Variants in SLC2A14 observed in about 807,000 individuals in gnomAD.
SLC2A14 encodes the protein solute carrier family 2, facilitated glucose transporter member 14.
Under a neutral mutation model 43.0 loss-of-function variants are expected in SLC2A14, and 13 were observed. That is an observed-to-expected ratio of 0.30 (90% confidence interval 0.20 to 0.48). The LOEUF (loss-of-function observed/expected upper bound fraction) is 0.48. Ranked by LOEUF, SLC2A14 falls within the 20% of genes least tolerant of loss-of-function variation. The pLI, the probability that SLC2A14 is intolerant of heterozygous loss-of-function variation, is 0.99. For synonymous variants in SLC2A14, 190 were observed against 233.8 expected, an observed-to-expected ratio of 0.81 and a Z score of 1.71; for missense variants, 428 against 620.4, an observed-to-expected ratio of 0.69 and a Z score of 3.29.
intron 7 of SLC2A14, among the ~76,000 whole-genome samples, chr12:7,827,015 CTT>C (rs1338800811): frequency 1.5e-5 from 2 of 132,224 alleles, no homozygotes; most frequent in Admixed American, 7.9e-5. Context: ...CTCTCTCTCT[CTT>C]TCTCTCCTTT....
intron 10 of SLC2A14, 82 bp downstream of exon 10, chr12:7,817,749 T>TAG (rs3040791): frequency 0.019 from 23,955 of 1,281,462 alleles, 336 homozygotes; most frequent in African/African-American, 0.041. Flanking sequence ...AATATATATA[T>TAG]ATATAGATAG....
intron 2 of SLC2A14, among the ~76,000 whole-genome samples, chr12:7,864,148 A>G (rs1262411141): frequency 6.6e-6 from 1 of 151,914 alleles, no homozygotes; most frequent in East Asian, 1.9e-4. Context: ...TTACTGCTGA[A>G]TTTTGAGAGT....
chr12:7,824,598 T>C lies in SLC2A14; in HGVS notation c.864+2897A>G, dbSNP rs1169259883. Among the ~76,000 whole-genome samples, 4 of 151,198 alleles carry C rather than the reference T, an allele frequency of 2.6e-5. No homozygotes were observed. The East Asian group carries it at 5.9e-4, about 22-fold the overall frequency. On this transcript the variant is annotated intron_variant, in intron 7 of 10. Coordinates refer to ENST00000431042, the MANE Select transcript of SLC2A14 (RefSeq NM_001286234.2). ...AAAACACAAAATTAGCCAGGCGAAG[T>C]GGTGCACGCCTGTAATCCCAGCTAC...
intron 2 of SLC2A14, among the ~76,000 whole-genome samples, chr12:7,843,800 A>G (rs1023664992): frequency 6.6e-6 from 1 of 151,134 alleles, no homozygotes; most frequent in Non-Finnish European, 1.5e-5. Flanking sequence ...TGAGGGGATA[A>G]CCTCTGGATC....
rs773009937 is a variant in SLC2A14, at chr12:7,829,800, T to A, written c.479A>T (p.Gln160Leu). Reference sequence around the variant, plus strand: ...CAGAATTCCAATAACTATGCCCAGCTGGTTGAGAGTGCCAAAGGCACCCCT... The same window carrying A: ...CAGAATTCCAATAACTATGCCCAGCAGGTTGAGAGTGCCAAAGGCACCCCT... ...ALRGAFGTLN[Q>L]LGIVIGILVA... The change falls in exon 5 of 11, where the codon CAG (glutamine) becomes CTG (leucine). Residue 160 changes from glutamine (Q) to leucine (L), a missense_variant. Coordinates refer to ENST00000431042, the MANE Select transcript of SLC2A14 (RefSeq NM_001286234.2). 1.2e-6 allele frequency: 2 copies of A among 1,614,198 alleles called. No individual in the cohort carries two copies. Among genetic ancestry groups the A allele is most frequent in the Non-Finnish European group, 1.7e-6 (2 of 1,180,038 alleles).
intron 7 of SLC2A14, among the ~76,000 whole-genome samples, chr12:7,823,409 G>A (rs1565501356): frequency 6.7e-6 from 1 of 149,158 alleles, no homozygotes; most frequent in Non-Finnish European, 1.5e-5. Flanking sequence ...AAAAAAGTAA[G>A]GTTGCTACAA....
chr12:7,882,082 C>T lies in SLC2A14; in HGVS notation c.132+8914G>A, dbSNP rs193178521. On this transcript the variant is annotated intron_variant, in intron 1 of 9. Coordinates refer to the SLC2A14 transcript ENST00000539924. ...GGTAACATGTTGGCCTCCCTTTCTA[C>T]ACTTGGAGGCTTTGTTCTTTTTTTC... Among the ~76,000 whole-genome samples the T allele has an allele frequency of 1.0e-3, 154 of 152,224 alleles. 1 individual carries two copies. Among genetic ancestry groups the T allele is most frequent in the Non-Finnish European group, 1.1e-3 (75 of 67,998 alleles).
At chr12:7,826,158 A>G (rs772415536) in intron 7 of SLC2A14, among the ~76,000 whole-genome samples, 1 of 151,734 alleles carries the variant, frequency 6.6e-6, no homozygotes, top group South Asian at 2.1e-4. Context: ...AAATGAGGAA[A>G]TTTGAGACTG....
chr12:7,859,650 G>A (rs1944437599), intron 2 of SLC2A14, among the ~76,000 whole-genome samples: 1 of 152,110 alleles, frequency 6.6e-6, no homozygotes, highest in Admixed American at 6.6e-5. Context: ...AAAACCAAGA[G>A]AATGAATCAG....
rs768823790 is a variant in SLC2A14, at chr12:7,817,906, T to C, written c.1200A>G (p.Pro400=). 1.9e-6 allele frequency: 3 copies of C among 1,614,078 alleles called. No individual in the cohort carries two copies. Among genetic ancestry groups the C allele is most frequent in the Non-Finnish European group, 2.5e-6 (3 of 1,180,052 alleles). Residue 400 remains proline (P), a synonymous_variant, in exon 10 of 11, where the codon CCA becomes CCG. Transcript: ENST00000431042. ...AGCAGCCGGCCACTGCCATCGCAGC[T>C]GGGCGGGGGCCCTGGCTGAAGAGTT... ...VAELFSQGPR[P]AAMAVAGCSN... is the part of the protein sequence containing the mutation.
At chr12:7,883,598 T>TC (rs1945632856) in intron 1 of SLC2A14, among the ~76,000 whole-genome samples, 4 of 136,416 alleles carry the variant, frequency 2.9e-5, no homozygotes, top group African/African-American at 1.1e-4. Flanking sequence ...TTCTTTTTTT[T>TC]TTTTTTTTTT....
intron 2 of SLC2A14, among the ~76,000 whole-genome samples, chr12:7,845,778 C>CAAAA (rs35933580): frequency 9.6e-6 from 1 of 104,122 alleles, no homozygotes; most frequent in Non-Finnish European, 1.8e-5. Context: ...GACTCCATCT[C>CAAAA]AAAAAAAAAA....
At chr12:7,827,777 A>G (rs1454931491) in intron 6 of SLC2A14, 95 bp from the exon 7 acceptor site, 4 of 1,518,856 alleles carry the variant, frequency 2.6e-6, no homozygotes. Context: ...GCACGAGGTG[A>G]GGTGATGGGT....
At chr12:7,875,755 C>G (rs1435937231), upstream of SLC2A14, among the ~76,000 whole-genome samples, 1 of 152,064 alleles carries the variant, frequency 6.6e-6, no homozygotes, top group East Asian at 1.9e-4. Context: ...GGTGGATTAC[C>G]TGAGGTCAGG....
At chr12:7,835,232 C>CA (rs1471034278) in intron 2 of SLC2A14, among the ~76,000 whole-genome samples, 2 of 151,998 alleles carry the variant, frequency 1.3e-5, no homozygotes, top group Non-Finnish European at 2.9e-5. Flanking sequence ...ACTAAAAATA[C>CA]AAAAATTAGC....
chr12:7,813,010 TC>T lies in SLC2A14; in HGVS notation c.*1305del, dbSNP rs1180214174. ...ACCTGGTTTATTGGAAAGATTCAAG[TC>T]CCCTGAGGGCATTCGGCATAGGACC... On this transcript the variant is annotated 3_prime_UTR_variant, in exon 11 of 11. Transcript: ENST00000431042. The T allele has an allele frequency of 2.6e-5, 4 of 151,724 alleles. No homozygotes were observed. Among genetic ancestry groups the T allele is most frequent in the Non-Finnish European group, 5.9e-5 (4 of 67,954 alleles). The allele number at this position is 151,724 out of a possible 1,614,324, so 9.4% of individuals were successfully genotyped here. A position where few individuals can be genotyped will look rare whatever the true frequency, so the allele number is the denominator to read the frequency against.
At chr12:7,828,905 T>C in intron 5 of SLC2A14, 39 bp from the exon 6 acceptor site, 2 of 1,597,468 alleles carry the variant, frequency 1.3e-6, no homozygotes, top group South Asian at 2.2e-5. Flanking sequence ...AACCCCATAC[T>C]TCACAGGCCA....
Position 7,871,249 on chromosome 12 carries a change from G to A in SLC2A14, c.-57-1312C>T. The A allele has an allele frequency of 9.9e-6, 12 of 1,214,286 alleles. No individual in the cohort carries two copies. The South Asian group carries it at 2.5e-4, about 25-fold the overall frequency. 75.2% of individuals were successfully genotyped at this position (1,214,286 alleles called of 1,614,324 possible). A position where few individuals can be genotyped will look rare whatever the true frequency, so the allele number is the denominator to read the frequency against. On this transcript the variant is annotated intron_variant, in intron 1 of 10. Transcript: ENST00000431042. ...CCAGGAGCTGCTCACCACCATGGGT[G>A]ACAGCTTCACAGATGAAGAAGTGGA...
At chr12:7,881,211 C>T (rs1033187951) in intron 1 of SLC2A14, among the ~76,000 whole-genome samples, 5 of 152,156 alleles carry the variant, frequency 3.3e-5, no homozygotes, top group Non-Finnish European at 1.5e-5. Flanking sequence ...CCCTGCTGCA[C>T]TATGGGAGCC....
Sources: gnomAD v4.1 joint callset for allele counts (sites outside exome capture counted in the v4.1 genomes callset) on GRCh38, gnomAD v4.1.1 for gene constraint, MANE v1.5 for transcripts, NCBI Gene and HGNC (gene_info 2026-07-23, HGNC 2026-07-21) for gene names.